Variants in CACNA1C observed in about 807,000 individuals in gnomAD.
CACNA1C encodes calcium voltage-gated channel subunit alpha1 C.
Under a neutral mutation model 229.0 loss-of-function variants are expected in CACNA1C, and 30 were observed. The observed-to-expected ratio is 0.13, with a 90% CI of 0.10 to 0.18. The LOEUF (loss-of-function observed/expected upper bound fraction) is 0.18, where lower values mean the gene tolerates loss of function less well. Among genes scored for constraint, CACNA1C ranks in the 10% least tolerant of loss-of-function variants. CACNA1C has a pLI of 1.00. For missense variants in CACNA1C, 1,658 were observed against 2,845.0 expected (o/e 0.58, Z 9.49); for synonymous variants, 1,114 against 1,132.5 (o/e 0.98, Z 0.33).
At chr12:2,359,921 C>T (rs1221397557) in intron 3 of CACNA1C, among the ~76,000 whole-genome samples, 3 of 152,104 alleles carry the variant, frequency 2.0e-5, no homozygotes, top group Non-Finnish European at 4.4e-5. Flanking sequence ...TTCCACCAAG[C>T]AGTCTTCCCA....
In CACNA1C at chr12:2,605,675, G is replaced by A. The variant is rs1448908398; in HGVS notation, c.3049-4G>A. On this transcript the variant is annotated splice_polypyrimidine_tract_variant and splice_region_variant and intron_variant, in intron 23 of 46. Coordinates refer to ENST00000399655, the MANE Select transcript of CACNA1C (RefSeq NM_000719.7). The surrounding 1 kb of genome is among the most constrained non-coding windows in gnomAD (Gnocchi z 6.2). ...GTCCCTCTCCCCGTCCCTTCCCACTGCAGCATGTGGTTCAGTGTGTGTTTG... is the reference window on the plus strand; with the variant it reads ...GTCCCTCTCCCCGTCCCTTCCCACTACAGCATGTGGTTCAGTGTGTGTTTG... The A allele has an allele frequency of 1.9e-6, 3 of 1,610,698 alleles. No individual in the cohort carries two copies. Among genetic ancestry groups the A allele is most frequent in the Non-Finnish European group, 2.5e-6 (3 of 1,177,120 alleles).
intron 3 of CACNA1C, among the ~76,000 whole-genome samples, chr12:2,321,908 A>G (rs895036213): frequency 6.6e-6 from 1 of 152,184 alleles, no homozygotes; most frequent in African/African-American, 2.4e-5. Flanking sequence ...TTAAATCCCA[A>G]GGTGACCTGG....
intron 3 of CACNA1C, among the ~76,000 whole-genome samples, chr12:2,212,016 C>T (rs773356857): frequency 2.6e-5 from 4 of 152,144 alleles, no homozygotes; most frequent in Non-Finnish European, 4.4e-5. Flanking sequence ...CCACCGCGCC[C>T]GGCCTCTTTC....
rs867363958 is a variant in CACNA1C, at chr12:2,677,643, G to A, written c.4957-90G>A. The A allele has an allele frequency of 6.9e-7, 1 of 1,454,280 alleles. No homozygotes were observed. Among genetic ancestry groups the A allele is most frequent in the Non-Finnish European group, 9.4e-7 (1 of 1,063,860 alleles). 90.1% of individuals were successfully genotyped at this position (1,454,280 alleles called of 1,614,324 possible). ...CTGGGTGGAGGATGCCAGGGCCCTG[G>A]AGGGACAGGTCTTGGCCCGAGGCTG... On this transcript the variant is annotated intron_variant, in intron 40 of 46. Transcript: ENST00000399655. This position sits in a 1 kb window ranked among gnomAD's most constrained non-coding sequence, Gnocchi z 7.4.
intron 3 of CACNA1C, among the ~76,000 whole-genome samples, chr12:2,361,663 C>A (rs938080151): frequency 2.3e-4 from 35 of 152,318 alleles, no homozygotes; most frequent in African/African-American, 8.4e-4. Flanking sequence ...GCCATCCCAT[C>A]CCAGGACTGT....
intron 3 of CACNA1C, among the ~76,000 whole-genome samples, chr12:2,130,195 T>TA (rs1051012246): frequency 1.3e-4 from 1 of 7,502 alleles, no homozygotes; most frequent in Non-Finnish European, 2.6e-4. Flanking sequence ...AGACCTTTCT[T>TA]TTTTTTTTTT....
At chr12:2,398,045 A>ATAAACTCAGGCCAAGCTGG (rs2098615852) in intron 3 of CACNA1C, among the ~76,000 whole-genome samples, 3 of 152,242 alleles carry the variant, frequency 2.0e-5, no homozygotes, top group Admixed American at 1.3e-4. Context: ...CAGGCTTGAA[A>ATAAACTCAGGCCAAGCTGG]TAAACTCAGG....
intron 1 of CACNA1C, among the ~76,000 whole-genome samples, chr12:2,024,475 A>G (rs1317036754): frequency 6.6e-6 from 1 of 152,158 alleles, no homozygotes; most frequent in Admixed American, 6.5e-5. Context: ...GCTCCTGCCC[A>G]CCTAGAGTGT....
At chr12:2,445,322 C>T (rs1354867012) in intron 3 of CACNA1C, among the ~76,000 whole-genome samples, 1 of 152,206 alleles carries the variant, frequency 6.6e-6, no homozygotes, top group Non-Finnish European at 1.5e-5. Context: ...GTCCATTTGC[C>T]CTGCATTGTA....
rs2091205183 is a variant in CACNA1C at position 2,633,007 on chromosome 12, C to T, written c.3829-1290C>T. 2.0e-5 allele frequency among the ~76,000 whole-genome samples: 3 copies of T among 152,152 alleles called. No individual in the cohort carries two copies. The highest frequency in any genetic ancestry group is 1.3e-4 in the Admixed American group (2 of 15,282). On this transcript the variant is annotated intron_variant, in intron 29 of 46. Transcript: ENST00000399655. The surrounding 1 kb of genome is among the most constrained non-coding windows in gnomAD (Gnocchi z 5.8). ...ACCCTGATTTGATCTGCAAGAGTTG[C>T]ACTTATTATGGATCTTGTTTTAACA...
Position 2,566,469 on chromosome 12 carries a change from C to G in CACNA1C, c.1556C>G (p.Ala519Gly). 3 of 1,596,168 alleles carry G rather than the reference C, an allele frequency of 1.9e-6. No individual in the cohort carries two copies. Among genetic ancestry groups the G allele is most frequent in the Non-Finnish European group, 2.6e-6 (3 of 1,171,354 alleles). Residue 519 changes from alanine to glycine, a missense_variant, in exon 12 of 47, where the codon GCC becomes GGC. Transcript: ENST00000399655. The surrounding 1 kb of genome is among the most constrained non-coding windows in gnomAD (Gnocchi z 4.0). ...CGGTTCTGCAGAAGGAAGTGCCGCG[C>G]CGCAGTCAAGTCTAATGTCTTCTAC... ...WNRFCRRKCR[A>G]AVKSNVFYWL...
At chr12:2,443,753 T>A (rs2099250700) in intron 3 of CACNA1C, among the ~76,000 whole-genome samples, 1 of 152,214 alleles carries the variant, frequency 6.6e-6, no homozygotes, top group Admixed American at 6.5e-5. Flanking sequence ...ATGAGAACAG[T>A]CTTTGACCAA....
intron 3 of CACNA1C, among the ~76,000 whole-genome samples, chr12:2,382,709 A>G (rs1248624093): frequency 6.6e-6 from 1 of 152,212 alleles, no homozygotes; most frequent in African/African-American, 2.4e-5. Context: ...ATGTTCCTGA[A>G]CTGGCAAATC....
intron 1 of CACNA1C, among the ~76,000 whole-genome samples, chr12:2,055,324 T>G (rs1018726101): frequency 5.9e-5 from 9 of 152,176 alleles, no homozygotes; most frequent in African/African-American, 2.2e-4. Context: ...ACTGCGTGCT[T>G]TACCCACCTC....
intron 3 of CACNA1C, among the ~76,000 whole-genome samples, chr12:2,214,907 G>A (rs552570640): frequency 4.9e-4 from 75 of 151,888 alleles, no homozygotes; most frequent in African/African-American, 1.8e-3. Flanking sequence ...TCTCATCCCC[G>A]CCAAAAGAGG....
intron 42 of CACNA1C, among the ~76,000 whole-genome samples, chr12:2,681,797 T>C (rs945623763): frequency 1.3e-4 from 20 of 152,182 alleles, no homozygotes; most frequent in African/African-American, 4.6e-4. Flanking sequence ...ACCAGGATCT[T>C]TCTCTGATGC....
At chr12:2,074,290 A>G in intron 1 of CACNA1C, among the ~76,000 whole-genome samples, 1 of 152,020 alleles carries the variant, frequency 6.6e-6, no homozygotes, top group African/African-American at 2.4e-5. Context: ...TCTGTTCTAG[A>G]CTCCTGAAGG....
chr12:2,607,621 T>C (rs1264526235), intron 26 of CACNA1C, among the ~76,000 whole-genome samples: 1 of 152,244 alleles, frequency 6.6e-6, no homozygotes, highest in Non-Finnish European at 1.5e-5. Flanking sequence ...AGGAAAGGGA[T>C]GGAAGCCCGG....
Position 2,666,810 on chromosome 12 carries a change from G to GA in CACNA1C, c.4623+29dup, listed in dbSNP as rs1569145584. 5.7e-6 allele frequency: 8 copies of GA among 1,411,320 alleles called. No individual in the cohort carries two copies. Among genetic ancestry groups the GA allele is most frequent in the Non-Finnish European group, 6.9e-6 (7 of 1,012,700 alleles). The allele number at this position is 1,411,320 out of a possible 1,614,324, so 87.4% of individuals were successfully genotyped here. A position where few individuals can be genotyped will look rare whatever the true frequency, so the allele number is the denominator to read the frequency against. On this transcript the variant is annotated intron_variant, in intron 37 of 46. Transcript: ENST00000399655. The surrounding 1 kb of genome is among the most constrained non-coding windows in gnomAD (Gnocchi z 5.3). ...AAGAGATAACGGGGTTCATGGGAGG[G>GA]AGAGGGAAAATAGGGGAAGTGAAGT...
Sources: allele counts gnomAD v4.1 joint callset (sites outside exome capture counted in the v4.1 genomes callset), GRCh38; gene constraint gnomAD v4.1.1; non-coding constraint Gnocchi (gnomAD v3.1); transcripts MANE v1.5; gene names NCBI Gene and HGNC (gene_info 2026-07-23, HGNC 2026-07-21).